CD22: variants seen among roughly 807,000 people sequenced by gnomAD.
CD22 encodes B-cell receptor CD22.
A neutral mutation model predicts 94.7 loss-of-function variants in CD22; 51 were observed. That is an observed-to-expected ratio of 0.54 (90% CI 0.43 to 0.68). The LOEUF is 0.68. Among genes scored for constraint, CD22 ranks in the 30% least tolerant of loss-of-function variants. The probability of loss-of-function intolerance (pLI) is 0.00; values close to 1 mark genes in which losing one functional copy is unlikely to be tolerated. For missense variants in CD22, 931 were observed against 1,060.4 expected, an observed-to-expected ratio of 0.88 and a Z score of 1.69; for synonymous variants, 424 against 422.5, an observed-to-expected ratio of 1.00 and a Z score of -0.04.
At chr19:35,339,069 T>C (rs1328547860) in intron 6 of CD22, among the ~76,000 whole-genome samples, 1 of 151,868 alleles carries the variant, frequency 6.6e-6, no homozygotes, top group Admixed American at 6.6e-5. Flanking sequence ...ATACCATCTC[T>C]ACAAAAAAAT....
At chr19:35,332,234 A>G (rs921782273) in intron 2 of CD22, 160 bp downstream of exon 2, 1 of 731,850 alleles carries the variant, frequency 1.4e-6, no homozygotes, top group Admixed American at 2.7e-5. Flanking sequence ...TCCCATATAT[A>G]CATACACTTC....
chr19:35,344,719 G>A (rs3746251), intron 9 of CD22, 110 bp from the exon 10 acceptor site: 19,438 of 773,110 alleles, frequency 0.025, 447 homozygotes, highest in East Asian at 0.1. Flanking sequence ...CGCATGCAGG[G>A]GAGAAGGACG....
chr19:35,333,613 AG>A (rs1462799033), intron 3 of CD22, among the ~76,000 whole-genome samples: 1 of 152,014 alleles, frequency 6.6e-6, no homozygotes, highest in Non-Finnish European at 1.5e-5. Flanking sequence ...GCTGGAGTGC[AG>A]TGGCGCGATC....
intron 9 of CD22, among the ~76,000 whole-genome samples, chr19:35,344,564 C>G (rs2066870903): frequency 6.6e-6 from 1 of 152,196 alleles, no homozygotes; most frequent in African/African-American, 2.4e-5. Context: ...AGAGCTGCAC[C>G]CATTTATGCG....
At chr19:35,335,996 CA>C (rs1245129484) in intron 3 of CD22, 39 bp from the exon 4 acceptor site, 3 of 1,569,316 alleles carry the variant, frequency 1.9e-6, no homozygotes, top group East Asian at 2.2e-5. Context: ...CTCACGTCCT[CA>C]GTCCCCCAGG....
Position 35,341,100 on chromosome 19 carries a change from G to A in CD22, c.1469G>A (p.Trp490Ter), listed in dbSNP as rs761096870. ...ATCGCCTGCGCAGCTTGTAATAGTTGGTGCTCGTGGGCCTCCCCTGTCGCC... is the reference window on the plus strand; with the variant it reads ...ATCGCCTGCGCAGCTTGTAATAGTTAGTGCTCGTGGGCCTCCCCTGTCGCC... ...TTIACAACNS[W>*]CSWASPVALN... The change falls in exon 7 of 14, where the codon TGG (tryptophan) becomes TAG (stop). Residue 490 changes from tryptophan (W) to a stop codon, truncating the protein, a stop_gained. Transcript: ENST00000085219. LOFTEE classifies it high-confidence loss of function. This position sits in a 1 kb window ranked among gnomAD's most constrained non-coding sequence, Gnocchi z 4.0. The A allele has an allele frequency of 2.5e-6, 4 of 1,614,050 alleles. No individual in the cohort carries two copies. Among genetic ancestry groups the A allele is most frequent in the Non-Finnish European group, 1.7e-6 (2 of 1,180,030 alleles).
At position 35,337,646 on chromosome 19, in the gene CD22, G is replaced by A. The variant is rs2066744155; in HGVS notation, c.719-109G>A. 2.1e-6 allele frequency: 2 copies of A among 961,288 alleles called. No individual in the cohort carries two copies. The highest frequency in any genetic ancestry group is 5.3e-5 in the East Asian group (2 of 37,732). The allele number at this position is 961,288 out of a possible 1,614,324, so 59.5% of individuals were successfully genotyped here. ...GTTAGGAGGCTGTGACCATCACCTGGGTGAAGGGACTGGCAGGCCATGGCT... is the reference window on the plus strand; with the variant it reads ...GTTAGGAGGCTGTGACCATCACCTGAGTGAAGGGACTGGCAGGCCATGGCT... On this transcript the variant is annotated intron_variant, in intron 4 of 13. Coordinates refer to ENST00000085219, the MANE Select transcript of CD22 (RefSeq NM_001771.4). This position sits in a 1 kb window ranked among gnomAD's most constrained non-coding sequence, Gnocchi z 4.4.
At chr19:35,331,922 T>C in intron 1 of CD22, 97 bp from the exon 2 acceptor site, 3 of 1,596,286 alleles carry the variant, frequency 1.9e-6, no homozygotes, top group East Asian at 4.5e-5. Context: ...TCCTCCCGGA[T>C]CCAGGGGAAG....
chr19:35,336,244 C>T lies in CD22; in HGVS notation c.621C>T (p.Ser207=), dbSNP rs746232384. 6.2e-7 allele frequency: 1 copy of T among 1,614,222 alleles called. No homozygotes were observed. The highest frequency in any genetic ancestry group is 8.5e-7 in the Non-Finnish European group (1 of 1,180,046). ...SVFTRSELKF[S]PQWSHHGKIV... ...TCACCCGGAGCGAGCTCAAGTTCTC[C>T]CCACAGTGGAGTCACCATGGGAAGA... Residue 207 remains serine (S), a synonymous_variant, in exon 4 of 14, where the codon TCC becomes TCT. Coordinates refer to ENST00000085219, the MANE Select transcript of CD22 (RefSeq NM_001771.4).
In CD22 at chr19:35,346,120, T is replaced by C. The variant is rs777124945; in HGVS notation, c.2328-31T>C. ...AGGAGAGTTCGTGGGAGATGCTTCA[T>C]GCGTGGTCGTCTATCTGCCCTGTCT... On this transcript the variant is annotated intron_variant, in intron 12 of 13. Transcript: ENST00000085219. 28 of 1,541,502 alleles carry C rather than the reference T, an allele frequency of 1.8e-5. No homozygotes were observed. In the South Asian group the frequency reaches 2.9e-4, roughly 16 times the overall value.
rs1416990055 is a variant in CD22, at chr19:35,332,535, C to T, written c.35-12C>T. 6.3e-7 allele frequency: 1 copy of T among 1,589,738 alleles called. No individual in the cohort carries two copies. Among genetic ancestry groups the T allele is most frequent in the South Asian group, 1.1e-5 (1 of 87,102 alleles). Reference sequence around the variant, plus strand: ...TGCCCCCTTAGTAATGCTTTCTGATCACTGTGGTGAGTTCTAGAATACTTG... The same window carrying T: ...TGCCCCCTTAGTAATGCTTTCTGATTACTGTGGTGAGTTCTAGAATACTTG... On this transcript the variant is annotated splice_polypyrimidine_tract_variant and intron_variant, in intron 2 of 13. Coordinates refer to ENST00000085219, the MANE Select transcript of CD22 (RefSeq NM_001771.4).
In CD22 at chr19:35,341,422, T is replaced by C. The variant is rs762457223; in HGVS notation, c.1587T>C (p.Cys529=). The change falls in exon 8 of 14, where the codon TGT becomes TGC. Residue 529 remains cysteine (C), a synonymous_variant. Coordinates refer to ENST00000085219, the MANE Select transcript of CD22 (RefSeq NM_001771.4). The surrounding 1 kb of genome is among the most constrained non-coding windows in gnomAD (Gnocchi z 4.0). ...CTGGAAACTCGGTCAGCCTCCAATGTGACTTCTCAAGCAGCCACCCCAAAG... is the reference window on the plus strand; with the variant it reads ...CTGGAAACTCGGTCAGCCTCCAATGCGACTTCTCAAGCAGCCACCCCAAAG... The part of the protein sequence containing the change: ...IHSGNSVSLQ[C]DFSSSHPKEV... 6.2e-7 allele frequency: 1 copy of C among 1,613,430 alleles called. No homozygotes were observed. Among genetic ancestry groups the C allele is most frequent in the Non-Finnish European group, 8.5e-7 (1 of 1,179,924 alleles).
chr19:35,336,404 C>T, intron 4 of CD22, 63 bp downstream of exon 4: 2 of 1,515,440 alleles, frequency 1.3e-6, no homozygotes, highest in Admixed American at 1.8e-5. Context: ...CCCAGCCCCG[C>T]AGGGGGCATG....
chr19:35,334,800 C>T (rs1365034372), intron 3 of CD22, among the ~76,000 whole-genome samples: 1 of 152,126 alleles, frequency 6.6e-6, no homozygotes, highest in African/African-American at 2.4e-5. Flanking sequence ...GGGAATAGGC[C>T]GGGCACGGTG....
intron 9 of CD22, among the ~76,000 whole-genome samples, chr19:35,343,529 T>C (rs1329593025): frequency 6.6e-6 from 1 of 152,190 alleles, no homozygotes; most frequent in Non-Finnish European, 1.5e-5. Context: ...TTTCTTTGCT[T>C]TTTTCCATGT....
intron 3 of CD22, 91 bp downstream of exon 3, chr19:35,333,015 G>A (rs757506378): frequency 1.3e-4 from 189 of 1,414,848 alleles, no homozygotes; most frequent in Middle Eastern, 2.5e-4. Context: ...CTCACAAACC[G>A]AGCTTCCTGC....
rs1256040527 is a variant in CD22 at position 35,345,102 on chromosome 19, G to C, written c.2184G>C (p.Gln728His). ...GGCTTCAGGAGAATTCCAGCGGCCA[G>C]AGCTTCTTTGTGAGGAATAAAAAGG... ...QQGLQENSSG[Q>H]SFFVRNKKVR... The change falls in exon 11 of 14, where the codon CAG (glutamine) becomes CAC (histidine). Residue 728 changes from glutamine (Q) to histidine (H), a missense_variant. Coordinates refer to ENST00000085219, the MANE Select transcript of CD22 (RefSeq NM_001771.4). 1 of 1,613,846 alleles carries C rather than the reference G, an allele frequency of 6.2e-7. No individual in the cohort carries two copies. Among genetic ancestry groups the C allele is most frequent in the African/African-American group, 1.3e-5 (1 of 74,842 alleles).
Position 35,341,418 on chromosome 19 carries a change from A to G in CD22, c.1583A>G (p.Gln528Arg), listed in dbSNP as rs769532041. The G allele has an allele frequency of 1.7e-5, 27 of 1,613,740 alleles. 1 individual carries two copies. The highest frequency in any genetic ancestry group is 3.3e-4 in the Middle Eastern group (2 of 6,084). ...EIHSGNSVSL[Q>R]CDFSSSHPKE... ...CACTCTGGAAACTCGGTCAGCCTCC[A>G]ATGTGACTTCTCAAGCAGCCACCCC... Residue 528 changes from glutamine to arginine, a missense_variant, in exon 8 of 14, where the codon CAA becomes CGA. Transcript: ENST00000085219. This position sits in a 1 kb window ranked among gnomAD's most constrained non-coding sequence, Gnocchi z 4.0.
rs1599679262 is a variant in CD22 at position 35,337,307 on chromosome 19, A to G, written c.719-448A>G. 6.6e-6 allele frequency among the ~76,000 whole-genome samples: 1 copy of G among 152,102 alleles called. No homozygotes were observed. ...CGGAGGGAGTGGCTGAGGCCGGCAC[A>G]TATTTGGGAGAGGAGGATTTCAGGG... On this transcript the variant is annotated intron_variant, in intron 4 of 13. Coordinates refer to ENST00000085219, the MANE Select transcript of CD22 (RefSeq NM_001771.4). The surrounding 1 kb of genome is among the most constrained non-coding windows in gnomAD (Gnocchi z 4.4).
Sources: allele counts gnomAD v4.1 joint callset (sites outside exome capture counted in the v4.1 genomes callset), GRCh38; gene constraint gnomAD v4.1.1; non-coding constraint Gnocchi (gnomAD v3.1); transcripts MANE v1.5; gene names NCBI Gene and HGNC (gene_info 2026-07-23, HGNC 2026-07-21).